ADAMTSL3: variants seen among roughly 807,000 people sequenced by gnomAD.
ADAMTSL3 encodes the protein ADAMTS like 3, also known as ADAMTS-like protein 3.
In ADAMTSL3, 128 loss-of-function variants were observed where a neutral mutation model predicts 201.7. The ratio of observed to expected loss-of-function variants is 0.63; its 90% CI spans 0.55 to 0.73. The LOEUF (loss-of-function observed/expected upper bound fraction) is 0.73, where lower values mean the gene tolerates loss of function less well. ADAMTSL3 is among the 30% of genes least tolerant of loss of function. The pLI is 0.00. For missense variants in ADAMTSL3, 1,990 were observed against 2,119.6 expected (o/e 0.94, Z 1.20); for synonymous variants, 738 against 748.4 (o/e 0.99, Z 0.23).
intron 2 of ADAMTSL3, among the ~76,000 whole-genome samples, chr15:83,669,720 G>A (rs552875529): frequency 1.5e-4 from 22 of 151,156 alleles, no homozygotes; most frequent in East Asian, 6.0e-4. Flanking sequence ...TGTCCGCCTC[G>A]GCCTCCCAAA....
rs578202507 is a variant in ADAMTSL3, at chr15:83,781,042, T to C, written c.317+7392T>C. 4.6e-5 allele frequency among the ~76,000 whole-genome samples: 7 copies of C among 152,262 alleles called. No individual in the cohort carries two copies. In the South Asian group the frequency reaches 1.5e-3, roughly 32 times the overall value. ...AAATGGCCATACTGCCCAAAGCAAT[T>C]TATAGATTCAATGCTATTTCTATTC... On this transcript the variant is annotated intron_variant, in intron 4 of 29. Coordinates refer to ENST00000286744, the MANE Select transcript of ADAMTSL3 (RefSeq NM_207517.3).
intron 19 of ADAMTSL3, among the ~76,000 whole-genome samples, chr15:83,959,827 A>G (rs934064618): frequency 6.6e-6 from 1 of 152,214 alleles, no homozygotes; most frequent in African/African-American, 2.4e-5. Flanking sequence ...CTCTGATGGC[A>G]TGCTTACTTT....
At chr15:84,020,187 A>G (rs1452251782) in intron 25 of ADAMTSL3, among the ~76,000 whole-genome samples, 2 of 152,182 alleles carry the variant, frequency 1.3e-5, no homozygotes, top group African/African-American at 4.8e-5. Context: ...ACATTTTAAA[A>G]GAAATGCACA....
intron 4 of ADAMTSL3, 55 bp downstream of exon 4, chr15:83,773,705 G>T (rs2063025486): frequency 1.9e-6 from 3 of 1,564,080 alleles, no homozygotes; most frequent in Non-Finnish European, 2.6e-6. Context: ...GCCTCTGGAT[G>T]GGTGGAGAGG....
intron 5 of ADAMTSL3, among the ~76,000 whole-genome samples, chr15:83,819,152 C>T (rs2063815212): frequency 6.6e-6 from 1 of 151,576 alleles, no homozygotes; most frequent in Non-Finnish European, 1.5e-5. Flanking sequence ...CGCCTGTAGT[C>T]CCAGCTACTC....
At chr15:83,732,052 A>G (rs1318010033) in intron 3 of ADAMTSL3, among the ~76,000 whole-genome samples, 5 of 152,098 alleles carry the variant, frequency 3.3e-5, no homozygotes, top group Non-Finnish European at 7.4e-5. Context: ...CACATACACA[A>G]AAGTAACCAT....
chr15:83,903,917 C>CAAAAAAAAAAAAAAAAAAAAA (rs1168502648), intron 15 of ADAMTSL3, among the ~76,000 whole-genome samples: 2 of 19,270 alleles, frequency 1.0e-4, no homozygotes, highest in African/African-American at 4.3e-4. Context: ...GACTCCACAT[C>CAAAAAAAAAAAAAAAAAAAAA]AAAAAAAAAA....
intron 4 of ADAMTSL3, among the ~76,000 whole-genome samples, chr15:83,784,310 T>G (rs1266917615): frequency 1.3e-5 from 2 of 152,192 alleles, no homozygotes; most frequent in African/African-American, 4.8e-5. Flanking sequence ...TCTGCCACTC[T>G]AATGTAGTGG....
intron 4 of ADAMTSL3, among the ~76,000 whole-genome samples, chr15:83,788,176 A>G (rs935591747): frequency 1.3e-5 from 2 of 152,084 alleles, no homozygotes; most frequent in Non-Finnish European, 2.9e-5. Flanking sequence ...TCATCATTCT[A>G]ATTTTCACTT....
chr15:83,804,533 A>C, intron 4 of ADAMTSL3, 117 bp from the exon 5 acceptor site: 2 of 661,230 alleles, frequency 3.0e-6, no homozygotes, highest in Non-Finnish European at 5.1e-6. Flanking sequence ...GGTAATGTGC[A>C]CTAGTAAAAG....
chr15:83,882,575 A>G (rs530716338), intron 9 of ADAMTSL3, among the ~76,000 whole-genome samples: 3 of 152,182 alleles, frequency 2.0e-5, no homozygotes, highest in South Asian at 4.1e-4. Context: ...AATATCTCTA[A>G]GTGTTAAAGT....
chr15:83,678,920 T>A (rs1009248812), intron 2 of ADAMTSL3, among the ~76,000 whole-genome samples: 6 of 147,826 alleles, frequency 4.1e-5, no homozygotes, highest in East Asian at 1.9e-4. Context: ...AATATATATT[T>A]TATATATATA....
At chr15:83,712,097 C>G (rs1019667) in intron 3 of ADAMTSL3, among the ~76,000 whole-genome samples, 6 of 152,144 alleles carry the variant, frequency 3.9e-5, no homozygotes, top group African/African-American at 1.2e-4. Flanking sequence ...CATATCCTCA[C>G]AGCCTTCAAG....
At chr15:83,862,070 AAAAG>A (rs1348019402) in intron 8 of ADAMTSL3, 40 of 152,342 alleles carry the variant, frequency 2.6e-4, no homozygotes, top group African/African-American at 7.7e-4. Flanking sequence ...TTTAGAGAAA[AAAAG>A]AATAAAAAGA....
At chr15:83,743,490 G>A (rs1333662655) in intron 3 of ADAMTSL3, among the ~76,000 whole-genome samples, 3 of 146,366 alleles carry the variant, frequency 2.0e-5, no homozygotes, top group South Asian at 2.2e-4. Context: ...TCCGCAGTCC[G>A]GCCTGGGAGA....
intron 21 of ADAMTSL3, among the ~76,000 whole-genome samples, chr15:83,984,811 T>A (rs1327293388): frequency 6.6e-6 from 1 of 152,252 alleles, no homozygotes; most frequent in Non-Finnish European, 1.5e-5. Context: ...AGAAGACAGC[T>A]GGATTCTTTT....
chr15:83,928,758 T>C (rs1168445351), intron 17 of ADAMTSL3, among the ~76,000 whole-genome samples: 1 of 152,260 alleles, frequency 6.6e-6, no homozygotes, highest in African/African-American at 2.4e-5. Context: ...ACCACAATTA[T>C]GTTCAAGATA....
intron 3 of ADAMTSL3, among the ~76,000 whole-genome samples, chr15:83,719,908 C>G (rs774240780): frequency 7.2e-5 from 11 of 152,084 alleles, no homozygotes; most frequent in Non-Finnish European, 1.3e-4. Context: ...CAATTTCATA[C>G]CTAGGTCTTT....
At chr15:83,974,265 A>G (rs2067244129) in intron 20 of ADAMTSL3, among the ~76,000 whole-genome samples, 1 of 152,158 alleles carries the variant, frequency 6.6e-6, no homozygotes, top group South Asian at 2.1e-4. Context: ...TTCTTCCAGT[A>G]CCTCATCATG....
Sources: allele counts gnomAD v4.1 joint callset (sites outside exome capture counted in the v4.1 genomes callset), GRCh38; gene constraint gnomAD v4.1.1; transcripts MANE v1.5; gene names NCBI Gene and HGNC (gene_info 2026-07-23, HGNC 2026-07-21).